Variants in BBS9 observed in about 807,000 individuals in gnomAD.
BBS9 encodes Bardet-Biedl syndrome 9.
Under a neutral mutation model 117.7 loss-of-function variants are expected in BBS9, and 89 were observed. The ratio of observed to expected loss-of-function variants is 0.76; its 90% confidence interval spans 0.64 to 0.90. The LOEUF is 0.90. Among genes scored for constraint, BBS9 ranks in the 40% least tolerant of loss-of-function variants. The pLI, the probability that BBS9 is intolerant of heterozygous loss-of-function variation, is 0.00. For missense variants in BBS9, 982 were observed against 1,042.2 expected (o/e 0.94, Z 0.80); for synonymous variants, 379 against 370.9 (o/e 1.02, Z -0.25).
At chr7:33,498,020 A>T (rs2129005669) in intron 19 of BBS9, among the ~76,000 whole-genome samples, 1 of 152,316 alleles carries the variant, frequency 6.6e-6, no homozygotes, top group Non-Finnish European at 1.5e-5. Context: ...ACCAATTAGA[A>T]ATGAACAGCA....
At chr7:33,165,530 T>G (rs953502970) in intron 4 of BBS9, among the ~76,000 whole-genome samples, 4 of 152,042 alleles carry the variant, frequency 2.6e-5, no homozygotes, top group Non-Finnish European at 5.9e-5. Context: ...GTTCGTTTTT[T>G]TTTTTACTCT....
chr7:33,294,351 A>ATCTC (rs141360709), intron 9 of BBS9, among the ~76,000 whole-genome samples: 1 of 129,046 alleles, frequency 7.7e-6, no homozygotes, highest in African/African-American at 2.9e-5. Context: ...CTATCTATCT[A>ATCTC]TCTCTTTGTC....
chr7:33,209,057 A>AT (rs930599762), intron 5 of BBS9, among the ~76,000 whole-genome samples: 2 of 151,970 alleles, frequency 1.3e-5, no homozygotes, highest in Non-Finnish European at 2.9e-5. Flanking sequence ...TATTCTTTCT[A>AT]TTTTTTTGTA....
intron 6 of BBS9, among the ~76,000 whole-genome samples, chr7:33,259,200 A>G (rs192698677): frequency 5.9e-5 from 9 of 152,348 alleles, no homozygotes; most frequent in African/African-American, 2.2e-4. Context: ...AGTTAATATA[A>G]TATAATCAAT....
intron 9 of BBS9, among the ~76,000 whole-genome samples, chr7:33,335,636 A>G (rs1044472944): frequency 3.3e-5 from 5 of 152,224 alleles, no homozygotes; most frequent in Admixed American, 3.3e-4. Flanking sequence ...CTTAATTTAT[A>G]TATTATGGCT....
intron 5 of BBS9, among the ~76,000 whole-genome samples, chr7:33,192,089 G>A (rs568529426): frequency 1.3e-5 from 2 of 152,158 alleles, no homozygotes; most frequent in East Asian, 3.9e-4. Flanking sequence ...ACAGTTTCTG[G>A]AATTTAGTCA....
chr7:33,431,745 A>T (rs1019714853), intron 19 of BBS9, among the ~76,000 whole-genome samples: 5 of 152,132 alleles, frequency 3.3e-5, no homozygotes, highest in African/African-American at 1.2e-4. Flanking sequence ...TTTGTTTTTG[A>T]TGTTTTGCTA....
intron 21 of BBS9, among the ~76,000 whole-genome samples, chr7:33,546,020 G>A (rs182929933): frequency 0.011 from 1,415 of 126,666 alleles, 23 homozygotes; most frequent in African/African-American, 0.04. Flanking sequence ...TGCAAGCTCC[G>A]CCTCCCAGGT....
intron 4 of BBS9, among the ~76,000 whole-genome samples, chr7:33,156,339 T>C (rs1794089587): frequency 6.6e-6 from 1 of 152,206 alleles, no homozygotes; most frequent in African/African-American, 2.4e-5. Flanking sequence ...TTAGTTCAAG[T>C]TGAGAGTTAT....
At chr7:33,611,492 AT>A (rs1191506069) in intron 21 of BBS9, among the ~76,000 whole-genome samples, 1 of 142,790 alleles carries the variant, frequency 7.0e-6, no homozygotes, top group Non-Finnish European at 1.5e-5. Context: ...ATAATGTAAT[AT>A]TATATATAAG....
chr7:33,565,356 A>G (rs1039191913), intron 21 of BBS9, among the ~76,000 whole-genome samples: 2 of 152,130 alleles, frequency 1.3e-5, no homozygotes, highest in Non-Finnish European at 2.9e-5. Flanking sequence ...TAAGTTGCCT[A>G]TTAGAGTTTC....
chr7:33,149,459 T>C (rs1207656735), intron 2 of BBS9, among the ~76,000 whole-genome samples: 2 of 152,228 alleles, frequency 1.3e-5, no homozygotes, highest in African/African-American at 4.8e-5. Context: ...TCCTTGTTAA[T>C]CTTGATAGTA....
chr7:33,202,353 A>T (rs1786031243), intron 5 of BBS9, among the ~76,000 whole-genome samples: 1 of 152,160 alleles, frequency 6.6e-6, no homozygotes, highest in Admixed American at 6.5e-5. Flanking sequence ...TTTGTTAGAG[A>T]TGTTAATAAT....
intron 5 of BBS9, among the ~76,000 whole-genome samples, chr7:33,254,492 T>C (rs562386797): frequency 1.3e-5 from 2 of 152,186 alleles, no homozygotes; most frequent in African/African-American, 4.8e-5. Flanking sequence ...TTAGTATGGA[T>C]CACTTCTCAT....
intron 20 of BBS9, among the ~76,000 whole-genome samples, chr7:33,527,622 C>T (rs1271831897): frequency 6.6e-6 from 1 of 152,214 alleles, no homozygotes; most frequent in Non-Finnish European, 1.5e-5. Context: ...ACGGTGCGCA[C>T]ACCCACTGAC....
At chr7:33,590,459 G>GTTTTTTTT (rs71554107) in intron 21 of BBS9, among the ~76,000 whole-genome samples, 227 of 101,134 alleles carry the variant, frequency 2.2e-3, no homozygotes, top group Middle Eastern at 0.011. Context: ...TTGTTTTTTT[G>GTTTTTTTT]TTTTTTTTTT....
At chr7:33,503,198 T>G (rs1008457797) in intron 19 of BBS9, among the ~76,000 whole-genome samples, 1 of 152,130 alleles carries the variant, frequency 6.6e-6, no homozygotes, top group Non-Finnish European at 1.5e-5. Flanking sequence ...ATAAAATTAC[T>G]AAGAATTTCA....
chr7:33,264,598 A>T (rs1798502946), intron 7 of BBS9, among the ~76,000 whole-genome samples: 1 of 152,092 alleles, frequency 6.6e-6, no homozygotes, highest in African/African-American at 2.4e-5. Context: ...GAGTTGTACC[A>T]CTAGAACTGT....
chr7:33,219,471 C>T (rs1007815272), intron 5 of BBS9, among the ~76,000 whole-genome samples: 1 of 152,178 alleles, frequency 6.6e-6, no homozygotes, highest in Non-Finnish European at 1.5e-5. Context: ...ACCTTTATGT[C>T]TAGCTCGGGG....
Sources: gnomAD v4.1 joint callset for allele counts (sites outside exome capture counted in the v4.1 genomes callset) on GRCh38, gnomAD v4.1.1 for gene constraint, MANE v1.5 for transcripts, NCBI Gene and HGNC (gene_info 2026-07-23, HGNC 2026-07-21) for gene names.